Variants in NPEPL1 observed in about 807,000 individuals in gnomAD.
NPEPL1 encodes the protein aminopeptidase like 1.
Under a neutral mutation model 52.4 loss-of-function variants are expected in NPEPL1, and 45 were observed. The observed-to-expected ratio is 0.86, with a 90% CI of 0.68 to 1.10. The LOEUF (loss-of-function observed/expected upper bound fraction) is 1.10, where lower values mean the gene tolerates loss of function less well. Ranked by LOEUF, NPEPL1 falls within the 50% of genes least tolerant of loss-of-function variation. The probability of loss-of-function intolerance (pLI) is 0.00; values close to 1 mark genes in which losing one functional copy is unlikely to be tolerated. For synonymous variants in NPEPL1, 360 were observed against 314.7 expected (o/e 1.14, Z -1.52); for missense variants, 696 against 710.9 (o/e 0.98, Z 0.24).
At chr20:58,704,298 T>C (rs1191921572) in intron 6 of NPEPL1, 5 of 983,350 alleles carry the variant, frequency 5.1e-6, no homozygotes, top group East Asian at 1.1e-4. Context: ...AAAAAAAAAA[T>C]CACAGCTCCA....
At chr20:58,715,038 C>A in intron 11 of NPEPL1, 130 bp from the exon 12 acceptor site, 1 of 1,073,258 alleles carries the variant, frequency 9.3e-7, no homozygotes, top group South Asian at 1.6e-5. Flanking sequence ...CCGGCTGGTG[C>A]TCAGGATCTC....
At chr20:58,707,225 G>T in intron 7 of NPEPL1, 25 bp downstream of exon 7, 1 of 1,539,580 alleles carries the variant, frequency 6.5e-7, no homozygotes. Context: ...CCCGCCCTCT[G>T]CAGGGGCATC....
At chr20:58,710,578 C>T (rs534756983) in intron 7 of NPEPL1, among the ~76,000 whole-genome samples, 214 of 152,302 alleles carry the variant, frequency 1.4e-3, no homozygotes, top group African/African-American at 4.9e-3. Context: ...CCTGGCGTAG[C>T]ACTGGAGACC....
intron 3 of NPEPL1, 89 bp downstream of exon 3, chr20:58,694,681 C>T (rs1365825334): frequency 8.8e-6 from 12 of 1,361,146 alleles, no homozygotes; most frequent in Middle Eastern, 2.2e-4. Flanking sequence ...AAGCTTGTTG[C>T]GGGGGCAGGA....
rs372321563 is a variant in NPEPL1, at chr20:58,693,802, C to T, written c.216C>T (p.Asn72=). 5.2e-5 allele frequency: 84 copies of T among 1,613,814 alleles called. No individual in the cohort carries two copies. Among genetic ancestry groups the T allele is most frequent in the Non-Finnish European group, 7.1e-5 (84 of 1,179,766 alleles). Residue 72 remains asparagine (N), a synonymous_variant, in exon 2 of 12, where the codon AAC becomes AAT. Transcript: ENST00000356091. ...NPTDSCPLYL[N]YATVAALPCR... is the part of the protein sequence containing the mutation. ...CGGACAGCTGTCCCCTCTACCTGAA[C>T]TACGCCACCGTGGCTGCCCTGCCCT...
In NPEPL1 at chr20:58,703,500, G is replaced by A. The variant is rs1232090948; in HGVS notation, c.822+2342G>A. ...ACCCTCAATACCCACGGTCACCCTGGAAGCCGCTACATTCTGGCTGGTAGA... is the reference window on the plus strand; with the variant it reads ...ACCCTCAATACCCACGGTCACCCTGAAAGCCGCTACATTCTGGCTGGTAGA... On this transcript the variant is annotated intron_variant, in intron 6 of 11. Coordinates refer to ENST00000356091, the MANE Select transcript of NPEPL1 (RefSeq NM_024663.4). 10 of 985,084 alleles carry A rather than the reference G, an allele frequency of 1.0e-5. 2 individuals are homozygous for A. In the South Asian group the frequency reaches 4.7e-4, roughly 46 times the overall value. The allele number at this position is 985,084 out of a possible 1,614,324, so 61.0% of individuals were successfully genotyped here. A position where few individuals can be genotyped will look rare whatever the true frequency, so the allele number is the denominator to read the frequency against.
intron 3 of NPEPL1, among the ~76,000 whole-genome samples, chr20:58,697,801 CAT>C (rs2084522910): frequency 6.6e-6 from 1 of 152,242 alleles, no homozygotes; most frequent in Non-Finnish European, 1.5e-5. Flanking sequence ...GTGAGACACA[CAT>C]GAGAAGGCAA....
intron 3 of NPEPL1, among the ~76,000 whole-genome samples, chr20:58,696,648 C>T (rs533201544): frequency 1.3e-5 from 2 of 152,374 alleles, no homozygotes; most frequent in Admixed American, 6.5e-5. Context: ...TGGCAGCAGT[C>T]TCCTGGTCAC....
intron 2 of NPEPL1, 23 bp downstream of exon 2, chr20:58,693,945 G>A (rs762743626): frequency 1.3e-6 from 2 of 1,537,210 alleles, no homozygotes; most frequent in Non-Finnish European, 1.8e-6. Flanking sequence ...AGAGGAGGCA[G>A]CCACGGTGCT....
chr20:58,695,155 ATG>A (rs1343102143), intron 3 of NPEPL1, among the ~76,000 whole-genome samples: 1 of 23,252 alleles, frequency 4.3e-5, no homozygotes, highest in South Asian at 1.3e-3. Flanking sequence ...TGTGGTGTGC[ATG>A]TGTGGTGTGT....
chr20:58,713,786 TTTTC>T lies in NPEPL1; in HGVS notation c.1126-127_1126-124del, dbSNP rs1333287925. 2 of 1,163,690 alleles carry T rather than the reference TTTTC, an allele frequency of 1.7e-6. No homozygotes were observed. The highest frequency in any genetic ancestry group is 3.2e-5 in the African/African-American group (2 of 63,448). 72.1% of individuals were successfully genotyped at this position (1,163,690 alleles called of 1,614,324 possible). On this transcript the variant is annotated intron_variant, in intron 9 of 11. Transcript: ENST00000356091. The surrounding 1 kb of genome is among the most constrained non-coding windows in gnomAD (Gnocchi z 4.6). ...GGCCATGGTCCTTTCTGCCTGTGTT[TTTTC>T]TTTTTTTCTCAACCGTCTCTTTTCT...
chr20:58,707,446 G>T (rs1369041033), intron 7 of NPEPL1, among the ~76,000 whole-genome samples: 2 of 152,244 alleles, frequency 1.3e-5, no homozygotes, highest in Non-Finnish European at 2.9e-5. Flanking sequence ...GCCTGCCTTG[G>T]CTCCAGAGCC....
Position 58,698,738 on chromosome 20 carries a change from C to T in NPEPL1, c.562C>T (p.Pro188Ser). 1 of 1,612,960 alleles carries T rather than the reference C, an allele frequency of 6.2e-7. No homozygotes were observed. Among genetic ancestry groups the T allele is most frequent in the South Asian group, 1.1e-5 (1 of 91,088 alleles). Residue 188 changes from proline (P) to serine (S), a missense_variant, in exon 4 of 12, where the codon CCC becomes TCC. Transcript: ENST00000356091. ...GCTAGCAGCCCGCATCGTGGACACA[C>T]CCTGCAATGAGATGAACACCGACAC... ...VRLAARIVDT[P>S]CNEMNTDTFL...
At chr20:58,691,719 T>TTTG, upstream of NPEPL1, 5 of 806,500 alleles carry the variant, frequency 6.2e-6, no homozygotes, top group South Asian at 3.3e-5. Flanking sequence ...TTTTTTCATT[T>TTTG]TTAGGCTGGT....
intron 3 of NPEPL1, among the ~76,000 whole-genome samples, chr20:58,695,132 A>AGTGGCGTGT: frequency 1.1e-5 from 1 of 92,068 alleles, no homozygotes; most frequent in Non-Finnish European, 2.2e-5. Flanking sequence ...TGTGTGCATG[A>AGTGGCGTGT]GTGGTGTGTG....
chr20:58,699,139 T>G, intron 4 of NPEPL1, 58 bp from the exon 5 acceptor site: 1 of 1,486,716 alleles, frequency 6.7e-7, no homozygotes, highest in South Asian at 1.2e-5. Context: ...CGGCCTCTCC[T>G]GTTTCCAGCC....
intron 11 of NPEPL1, 47 bp from the exon 12 acceptor site, chr20:58,715,121 T>C: frequency 6.4e-7 from 1 of 1,554,236 alleles, no homozygotes; most frequent in Non-Finnish European, 8.6e-7. Flanking sequence ...ACCCCTCCTG[T>C]GCTGCAGCCC....
rs534535307 is a variant in NPEPL1 at position 58,700,982 on chromosome 20, G to A, written c.680-34G>A. The A allele has an allele frequency of 1.8e-5, 27 of 1,502,688 alleles. No homozygotes were observed. In the East Asian group the frequency reaches 2.1e-4, roughly 12 times the overall value. The allele number at this position is 1,502,688 out of a possible 1,614,324, so 93.1% of individuals were successfully genotyped here. ...GGGAGTTCCCCGCTCAGCTCAGCCCGAGCCTAACCCAGTTCTCCCCACGCT... is the reference window on the plus strand; with the variant it reads ...GGGAGTTCCCCGCTCAGCTCAGCCCAAGCCTAACCCAGTTCTCCCCACGCT... On this transcript the variant is annotated intron_variant, in intron 5 of 11. Coordinates refer to ENST00000356091, the MANE Select transcript of NPEPL1 (RefSeq NM_024663.4).
At chr20:58,709,131 G>A (rs190904668) in intron 7 of NPEPL1, among the ~76,000 whole-genome samples, 400 of 151,978 alleles carry the variant, frequency 2.6e-3, no homozygotes, top group African/African-American at 9.2e-3. Flanking sequence ...GCCTCTAGAG[G>A]TGGAGGAGCA....
Sources: gnomAD v4.1 joint callset for allele counts (sites outside exome capture counted in the v4.1 genomes callset) on GRCh38, gnomAD v4.1.1 for gene constraint, Gnocchi (gnomAD v3.1) non-coding constraint, MANE v1.5 for transcripts, NCBI Gene and HGNC (gene_info 2026-07-23, HGNC 2026-07-21) for gene names.